PRKAR1A: variants seen among roughly 807,000 people sequenced by gnomAD.
PRKAR1A encodes the protein protein kinase cAMP-dependent type I regulatory subunit alpha.
A neutral mutation model predicts 52.0 loss-of-function variants in PRKAR1A; 3 were observed. The ratio of observed to expected loss-of-function variants is 0.06; its 90% CI spans 0.03 to 0.15. The LOEUF (loss-of-function observed/expected upper bound fraction) is 0.15. PRKAR1A is among the 10% of genes least tolerant of loss of function. The pLI, the probability that PRKAR1A is intolerant of heterozygous loss-of-function variation, is 1.00. For synonymous variants in PRKAR1A, 188 were observed against 168.4 expected, an observed-to-expected ratio of 1.12 and a Z score of -0.90; for missense variants, 240 against 477.4, an observed-to-expected ratio of 0.50 and a Z score of 4.63.
chr17:68,450,436 G>C, the PRKAR1A span, among the ~76,000 whole-genome samples: 1 of 152,216 alleles, frequency 6.6e-6, no homozygotes, highest in Non-Finnish European at 1.5e-5. Flanking sequence ...CCAAGCCAGA[G>C]CTCTGACCCA....
the PRKAR1A span, among the ~76,000 whole-genome samples, chr17:68,496,355 C>T: frequency 9.5e-4 from 145 of 151,916 alleles, no homozygotes; most frequent in African/African-American, 3.3e-3. Flanking sequence ...TCTGCATTTT[C>T]AAAGCCAGCA....
At chr17:68,472,402 G>T in the PRKAR1A span, among the ~76,000 whole-genome samples, 1 of 152,132 alleles carries the variant, frequency 6.6e-6, no homozygotes, top group African/African-American at 2.4e-5. Context: ...TGCTCCGGGC[G>T]TGTGAGTCTT....
chr17:68,543,838 AC>A (rs1341910779), intron 11 of PRKAR1A: 2 of 890,486 alleles, frequency 2.2e-6, no homozygotes, highest in Non-Finnish European at 1.8e-6. Flanking sequence ...TTTCATGTAC[AC>A]ACAGGCGATG....
the PRKAR1A span, among the ~76,000 whole-genome samples, chr17:68,498,911 A>C: frequency 5.3e-5 from 8 of 152,224 alleles, no homozygotes; most frequent in African/African-American, 1.9e-4. Flanking sequence ...GTCCAAGTTC[A>C]GTAGCTTTGC....
At chr17:68,537,980 C>T (rs940007386), downstream of PRKAR1A, among the ~76,000 whole-genome samples, 1 of 152,172 alleles carries the variant, frequency 6.6e-6, no homozygotes, top group African/African-American at 2.4e-5. This position sits in a 1 kb window ranked among gnomAD's most constrained non-coding sequence, Gnocchi z 4.2. Context: ...CATTTGTGCT[C>T]TAATAATGGT....
the PRKAR1A span, among the ~76,000 whole-genome samples, chr17:68,469,707 T>C: frequency 4.6e-5 from 7 of 152,180 alleles, no homozygotes; most frequent in Admixed American, 6.5e-5. Context: ...TTTTGGATGC[T>C]CTTTACACTC....
chr17:68,528,439 T>C (rs1002016024), intron 8 of PRKAR1A, among the ~76,000 whole-genome samples: 16 of 152,242 alleles, frequency 1.1e-4, no homozygotes, highest in Admixed American at 6.5e-4. Flanking sequence ...ATAAAAGTTA[T>C]TTTCTAGTTC....
At chr17:68,534,768 T>C (rs1422015426), downstream of PRKAR1A, among the ~76,000 whole-genome samples, 1 of 152,106 alleles carries the variant, frequency 6.6e-6, no homozygotes, top group East Asian at 1.9e-4. Context: ...TGTTAATGAA[T>C]CAGTATATAT....
Position 68,530,996 on chromosome 17 carries a change from C to T in PRKAR1A, c.*547C>T. ...AAGGGTGGAAAAATGCCCATTTTTG[C>T]TAATTATCAATGGGATATGATTGGT... On this transcript the variant is annotated 3_prime_UTR_variant, in exon 11 of 11. Transcript: ENST00000589228. The T allele has an allele frequency of 9.3e-7, 1 of 1,075,512 alleles. No homozygotes were observed. The highest frequency in any genetic ancestry group is 1.1e-6 in the Non-Finnish European group (1 of 884,884). 66.6% of individuals were successfully genotyped at this position (1,075,512 alleles called of 1,614,324 possible).
chr17:68,471,809 C>CT, the PRKAR1A span, among the ~76,000 whole-genome samples: 17 of 148,718 alleles, frequency 1.1e-4, 1 homozygote, highest in South Asian at 2.1e-4. Context: ...AGTTTCTTTT[C>CT]TTTTTTTTTT....
chr17:68,471,861 C>T, the PRKAR1A span, among the ~76,000 whole-genome samples: 13 of 151,940 alleles, frequency 8.6e-5, no homozygotes, highest in Non-Finnish European at 1.3e-4. Flanking sequence ...AGTGCAGTGG[C>T]GCGATCTCGG....
the PRKAR1A span, among the ~76,000 whole-genome samples, chr17:68,439,384 C>T: frequency 2.0e-5 from 3 of 151,982 alleles, no homozygotes; most frequent in Admixed American, 6.6e-5. Flanking sequence ...ACAAAGGAAC[C>T]GATATTGTAT....
At chr17:68,467,482 C>G in the PRKAR1A span, among the ~76,000 whole-genome samples, 1 of 152,152 alleles carries the variant, frequency 6.6e-6, no homozygotes, top group Admixed American at 6.6e-5. Context: ...TTGTGGGTGT[C>G]ATGAACACTA....
At chr17:68,426,251 G>GGGGGGGGGGGA in the PRKAR1A span, 4 of 825,460 alleles carry the variant, frequency 4.8e-6, 1 homozygote, top group Non-Finnish European at 7.7e-6. Flanking sequence ...GTGGGGAGCG[G>GGGGGGGGGGGA]GGGCTCAAAT....
chr17:68,451,064 C>G, the PRKAR1A span, among the ~76,000 whole-genome samples: 6 of 152,368 alleles, frequency 3.9e-5, no homozygotes, highest in Admixed American at 2.0e-4. Flanking sequence ...CCATGCCCCC[C>G]ACCCTGCCAG....
At chr17:68,545,685 G>C (rs1478845394) in intron 11 of PRKAR1A, among the ~76,000 whole-genome samples, 3 of 152,164 alleles carry the variant, frequency 2.0e-5, no homozygotes, top group African/African-American at 7.2e-5. Flanking sequence ...AATGCTGTTT[G>C]ATAGCATTTT....
the PRKAR1A span, among the ~76,000 whole-genome samples, chr17:68,489,357 ATG>A: frequency 2.5e-4 from 25 of 98,178 alleles, no homozygotes; most frequent in Non-Finnish European, 3.6e-4. Context: ...ATATATATAT[ATG>A]GAAAGTATAT....
chr17:68,439,732 C>T, the PRKAR1A span, among the ~76,000 whole-genome samples: 2 of 152,190 alleles, frequency 1.3e-5, no homozygotes, highest in African/African-American at 2.4e-5. Flanking sequence ...CTGAGGTCTG[C>T]TATGTACTGT....
At chr17:68,416,079 GGTTT>G in the PRKAR1A span, among the ~76,000 whole-genome samples, 3 of 151,862 alleles carry the variant, frequency 2.0e-5, no homozygotes, top group Admixed American at 6.6e-5. Flanking sequence ...CATGTGCCTT[GGTTT>G]TTTTGTTTTT....
Sources: gnomAD v4.1 joint callset for allele counts (sites outside exome capture counted in the v4.1 genomes callset) on GRCh38, gnomAD v4.1.1 for gene constraint, Gnocchi (gnomAD v3.1) non-coding constraint, MANE v1.5 for transcripts, NCBI Gene and HGNC (gene_info 2026-07-23, HGNC 2026-07-21) for gene names.